TNIK: variants seen among roughly 807,000 people sequenced by gnomAD.
The protein encoded by TNIK is TRAF2 and NCK interacting kinase.
In TNIK, 49 loss-of-function variants were observed where a neutral mutation model predicts 191.3. The observed-to-expected ratio is 0.26, with a 90% CI of 0.20 to 0.32. The LOEUF is 0.32. TNIK is among the 10% of genes least tolerant of loss of function. The probability of loss-of-function intolerance (pLI) is 1.00; values close to 1 mark genes in which losing one functional copy is unlikely to be tolerated. For synonymous variants in TNIK, 594 were observed against 600.9 expected (o/e 0.99, Z 0.17); for missense variants, 1,155 against 1,702.3 (o/e 0.68, Z 5.66).
intron 7 of TNIK, among the ~76,000 whole-genome samples, chr3:171,184,990 A>T (rs1737175392): frequency 6.6e-6 from 1 of 152,154 alleles, no homozygotes; most frequent in East Asian, 1.9e-4. Context: ...GGGGAGTGGG[A>T]TAAGGGGGTA....
intron 2 of TNIK, among the ~76,000 whole-genome samples, chr3:171,284,453 T>C (rs1750802720): frequency 6.6e-6 from 1 of 152,118 alleles, no homozygotes; most frequent in Non-Finnish European, 1.5e-5. Context: ...AACAAATTAC[T>C]GATAAATCAA....
chr3:171,126,178 G>A (rs749265201), intron 16 of TNIK, 27 bp from the exon 17 acceptor site: 1 of 1,491,816 alleles, frequency 6.7e-7, no homozygotes, highest in Non-Finnish European at 8.9e-7. Flanking sequence ...CATGAAAACA[G>A]CACTATTAGA....
chr3:171,101,356 T>C (rs571071118), intron 22 of TNIK, 93 bp downstream of exon 22: 21 of 1,389,102 alleles, frequency 1.5e-5, no homozygotes, highest in Non-Finnish European at 1.9e-5. Flanking sequence ...CACAGACCCA[T>C]ATACAATCTT....
rs1284345564 is a variant in TNIK, at chr3:171,318,602, A to G, written c.123+51018T>C. Among the ~76,000 whole-genome samples, 5 of 152,174 alleles carry G rather than the reference A, an allele frequency of 3.3e-5. No individual in the cohort carries two copies. In the South Asian group the frequency reaches 1.0e-3, roughly 32 times the overall value. ...TAAAAGACAGTAGAATAAATCTTCA[A>G]AACCTAATTATTTTAAAACTGAATG... On this transcript the variant is annotated intron_variant, in intron 2 of 32. Transcript: ENST00000436636.
intron 30 of TNIK, among the ~76,000 whole-genome samples, chr3:171,067,244 T>G (rs1214721465): frequency 1.3e-5 from 2 of 152,030 alleles, no homozygotes; most frequent in Admixed American, 6.6e-5. Context: ...ATAGCTTAAG[T>G]GGGGTCAAAA....
In TNIK at chr3:171,066,171, G is replaced by C. The variant is rs781673307; in HGVS notation, c.3999+16C>G. 1 of 1,611,860 alleles carries C rather than the reference G, an allele frequency of 6.2e-7. No homozygotes were observed. The highest frequency in any genetic ancestry group is 2.2e-5 in the East Asian group (1 of 44,868). ...TTAAAATGCAAACACTAATGCAAATGTTGAAACGGATTTACCTTATCATTT... is the reference window on the plus strand; with the variant it reads ...TTAAAATGCAAACACTAATGCAAATCTTGAAACGGATTTACCTTATCATTT... On this transcript the variant is annotated intron_variant, in intron 32 of 32. Coordinates refer to ENST00000436636, the MANE Select transcript of TNIK (RefSeq NM_015028.4).
rs903743035 is a variant in TNIK at position 171,058,891 on chromosome 3, C to G, written c.*4990G>C. On this transcript the variant is annotated 3_prime_UTR_variant, in exon 33 of 33. Transcript: ENST00000436636. Reference sequence around the variant, plus strand: ...GTAATCTTTTGTTTCCTGCTGCCACCTAACATTTGAAGTTTTGATTCAGGG... The same window carrying G: ...GTAATCTTTTGTTTCCTGCTGCCACGTAACATTTGAAGTTTTGATTCAGGG... Among the ~76,000 whole-genome samples the G allele has an allele frequency of 1.3e-5, 2 of 152,156 alleles. No homozygotes were observed. The highest frequency in any genetic ancestry group is 2.9e-5 in the Non-Finnish European group (2 of 68,008).
At position 171,159,250 on chromosome 3, in the gene TNIK, G is replaced by A. The variant is rs1733650050; in HGVS notation, c.1017-1586C>T. Among the ~76,000 whole-genome samples the A allele has an allele frequency of 6.6e-6, 1 of 151,864 alleles. No individual in the cohort carries two copies. Among genetic ancestry groups the A allele is most frequent in the Admixed American group, 6.6e-5 (1 of 15,248 alleles). On this transcript the variant is annotated intron_variant, in intron 11 of 32. Coordinates refer to ENST00000436636, the MANE Select transcript of TNIK (RefSeq NM_015028.4). The surrounding 1 kb of genome is among the most constrained non-coding windows in gnomAD (Gnocchi z 4.1). ...TGGGGATAGAGGTCACGAAGCCTGT[G>A]GACAGATCTGACATGTGGAGTGAGG...
At position 171,282,334 on chromosome 3, in the gene TNIK, G is replaced by GTTTTT. The variant is rs201489240; in HGVS notation, c.124-54118_124-54114dup. On this transcript the variant is annotated intron_variant, in intron 2 of 32. Transcript: ENST00000436636. ...GAACTATCTGCAGATTCTCTTAATGGTTTTTTGTTTTTTTTTTTTTTTTTG... is the reference window on the plus strand; with the variant it reads ...GAACTATCTGCAGATTCTCTTAATGGTTTTTTTTTTTGTTTTTTTTTTTTTTTTTG... Among the ~76,000 whole-genome samples the GTTTTT allele has an allele frequency of 4.4e-4, 50 of 114,514 alleles. 1 individual carries two copies. The highest frequency in any genetic ancestry group is 5.2e-4 in the African/African-American group (15 of 28,902). The allele number at this position is 114,514 out of a possible 152,430, so 75.1% of individuals were successfully genotyped here.
At position 171,106,637 on chromosome 3, in the gene TNIK, T is replaced by C. The variant is rs369584480; in HGVS notation, c.2406+546A>G. On this transcript the variant is annotated intron_variant, in intron 21 of 32. Coordinates refer to ENST00000436636, the MANE Select transcript of TNIK (RefSeq NM_015028.4). ...CAACTGACAAAGCCATATATTTTTC[T>C]AATGGAAAACGTCTCCACAGACAAG... 117 of 525,418 alleles carry C rather than the reference T, an allele frequency of 2.2e-4. 1 individual carries two copies. Among genetic ancestry groups the C allele is most frequent in the Non-Finnish European group, 2.0e-5 (5 of 253,516 alleles). The allele number at this position is 525,418 out of a possible 1,614,324, so 32.5% of individuals were successfully genotyped here.
At chr3:171,342,464 C>T (rs1157588058) in intron 2 of TNIK, among the ~76,000 whole-genome samples, 1 of 152,098 alleles carries the variant, frequency 6.6e-6, no homozygotes, top group Non-Finnish European at 1.5e-5. Context: ...AATCATCACT[C>T]TCAAGCACCT....
At chr3:171,350,847 T>TG in intron 2 of TNIK, among the ~76,000 whole-genome samples, 1 of 152,212 alleles carries the variant, frequency 6.6e-6, no homozygotes, top group South Asian at 2.1e-4. Flanking sequence ...TACCAATAAG[T>TG]GGTAGAGCCA....
At chr3:171,108,246 G>C in intron 19 of TNIK, 84 bp from the exon 20 acceptor site, 42 of 1,042,226 alleles carry the variant, frequency 4.0e-5, no homozygotes, top group Non-Finnish European at 4.8e-5. Flanking sequence ...TCTGTGATGT[G>C]TCATCACATT....
In TNIK at chr3:171,460,300, T is replaced by C. The variant is rs1458306290; in HGVS notation, c.-237A>G. On this transcript the variant is annotated 5_prime_UTR_variant, in exon 1 of 33. Coordinates refer to ENST00000436636, the MANE Select transcript of TNIK (RefSeq NM_015028.4). This position sits in a 1 kb window ranked among gnomAD's most constrained non-coding sequence, Gnocchi z 6.8. ...TCCAAGCCCCGAGCAGCGGTGCGTG[T>C]GGGCTGAGCGCCCCGATCGGCTAAG... The C allele has an allele frequency of 3.4e-6, 2 of 588,586 alleles. No individual in the cohort carries two copies. The highest frequency in any genetic ancestry group is 1.9e-5 in the African/African-American group (1 of 51,972). The allele number at this position is 588,586 out of a possible 1,614,324, so 36.5% of individuals were successfully genotyped here. A position where few individuals can be genotyped will look rare whatever the true frequency, so the allele number is the denominator to read the frequency against.
At chr3:171,416,321 T>C (rs1156322738) in intron 1 of TNIK, among the ~76,000 whole-genome samples, 3 of 152,054 alleles carry the variant, frequency 2.0e-5, no homozygotes, top group Non-Finnish European at 2.9e-5. Flanking sequence ...AAATATGTAA[T>C]CTGAATGTAA....
intron 1 of TNIK, among the ~76,000 whole-genome samples, chr3:171,446,028 A>T (rs1727449620): frequency 6.6e-6 from 1 of 152,218 alleles, no homozygotes; most frequent in Admixed American, 6.5e-5. Flanking sequence ...TCGAGTGCAG[A>T]TATGATCTAA....
chr3:171,364,942 G>T (rs1715482701), intron 2 of TNIK, among the ~76,000 whole-genome samples: 5 of 151,752 alleles, frequency 3.3e-5, no homozygotes, highest in Admixed American at 2.6e-4. Context: ...ATATTCAAAA[G>T]GTTTTATGGA....
Position 171,452,759 on chromosome 3 carries a change from CACACACACACACAT to C in TNIK, c.57+7234_57+7247del, listed in dbSNP as rs1253973904. Among the ~76,000 whole-genome samples the C allele has an allele frequency of 5.4e-4, 82 of 151,882 alleles. 1 individual carries two copies. The highest frequency in any genetic ancestry group is 1.9e-3 in the African/African-American group (79 of 41,382). ...ACACACACACACACACACACACACA[CACACACACACACAT>C]ACGCCTTGCAATTCTAACCCATGGT... On this transcript the variant is annotated intron_variant, in intron 1 of 32. Coordinates refer to ENST00000436636, the MANE Select transcript of TNIK (RefSeq NM_015028.4).
At chr3:171,375,580 C>G (rs1038036857) in intron 1 of TNIK, among the ~76,000 whole-genome samples, 1 of 152,202 alleles carries the variant, frequency 6.6e-6, no homozygotes, top group African/African-American at 2.4e-5. Context: ...CCCAGCTTCA[C>G]AGCAGAGAGG....
Sources: gnomAD v4.1 joint callset for allele counts (sites outside exome capture counted in the v4.1 genomes callset) on GRCh38, gnomAD v4.1.1 for gene constraint, Gnocchi (gnomAD v3.1) non-coding constraint, MANE v1.5 for transcripts, NCBI Gene and HGNC (gene_info 2026-07-23, HGNC 2026-07-21) for gene names.